GADL1: variants seen among roughly 807,000 people sequenced by gnomAD.
GADL1 encodes the protein GAD like acidic amino acid decarboxylase 1, also known as acidic amino acid decarboxylase GADL1.
In GADL1, 71 loss-of-function variants were observed where a neutral mutation model predicts 69.5. That is an observed-to-expected ratio of 1.02 (90% CI 0.84 to 1.25). GADL1 has a LOEUF of 1.25. Ranked by LOEUF, GADL1 falls within the 50% of genes most tolerant of loss-of-function variation. The pLI is 0.00. For missense variants in GADL1, 737 were observed against 631.8 expected (o/e 1.17, Z -1.79); for synonymous variants, 254 against 214.4 (o/e 1.18, Z -1.62).
chr3:30,733,630 TTCCTTCCTCCTTCCC>T (rs1695500147), intron 14 of GADL1, among the ~76,000 whole-genome samples: 3 of 150,638 alleles, frequency 2.0e-5, no homozygotes, highest in African/African-American at 7.4e-5. Context: ...CCTTCCTTCC[TTCCTTCCTCCTTCCC>T]TCCCTCCCTC....
intron 1 of GADL1, among the ~76,000 whole-genome samples, chr3:30,891,251 C>T (rs1698782233): frequency 6.6e-6 from 1 of 152,082 alleles, no homozygotes; most frequent in African/African-American, 2.4e-5. Context: ...TGCTTTGATC[C>T]TTAGCAACCA....
chr3:30,855,929 C>CAA (rs370368623), intron 3 of GADL1, among the ~76,000 whole-genome samples: 4,665 of 123,948 alleles, frequency 0.038, 180 homozygotes, highest in African/African-American at 0.1. Flanking sequence ...TCTGATCTGG[C>CAA]AAAAAAAAAA....
chr3:30,850,953 T>TA lies in GADL1; in HGVS notation c.429-13dup. 7.2e-7 allele frequency: 1 copy of TA among 1,397,036 alleles called. No homozygotes were observed. Among genetic ancestry groups the TA allele is most frequent in the Non-Finnish European group, 9.9e-7 (1 of 1,008,170 alleles). The allele number at this position is 1,397,036 out of a possible 1,614,324, so 86.5% of individuals were successfully genotyped here. On this transcript the variant is annotated splice_polypyrimidine_tract_variant and intron_variant, in intron 4 of 14. Coordinates refer to ENST00000282538, the MANE Select transcript of GADL1 (RefSeq NM_207359.3). ...CCTCATACGTATAACTAGATAGATATAAAAAACACTTCACTTCTATGACTA... is the reference window on the plus strand; with the variant it reads ...CCTCATACGTATAACTAGATAGATATAAAAAAACACTTCACTTCTATGACTA...
intron 14 of GADL1, among the ~76,000 whole-genome samples, chr3:30,738,298 CTG>C (rs1217348319): frequency 6.6e-6 from 1 of 152,178 alleles, no homozygotes; most frequent in Non-Finnish European, 1.5e-5. Context: ...GTTGCAATGA[CTG>C]TGGAGTGCTA....
chr3:30,891,915 A>G (rs1354069852), intron 1 of GADL1, among the ~76,000 whole-genome samples: 1 of 152,224 alleles, frequency 6.6e-6, no homozygotes, highest in Non-Finnish European at 1.5e-5. Context: ...ATTTTATTAC[A>G]ACATGCCAGT....
rs558498090 is a variant in GADL1 at position 30,730,853 on chromosome 3, G to A, written c.1393-2438C>T. Among the ~76,000 whole-genome samples the A allele has an allele frequency of 3.9e-5, 6 of 152,250 alleles. No homozygotes were observed. In the South Asian group the frequency reaches 1.2e-3, roughly 32 times the overall value. ...GATATAAATGGGTCTGCGTGCATAAGCATGTGTGTGTGTGTGTGCCTGTGC... is the reference window on the plus strand; with the variant it reads ...GATATAAATGGGTCTGCGTGCATAAACATGTGTGTGTGTGTGTGCCTGTGC... On this transcript the variant is annotated intron_variant, in intron 14 of 14. Transcript: ENST00000282538.
chr3:30,777,262 C>A (rs775807278), intron 14 of GADL1, among the ~76,000 whole-genome samples: 2 of 150,978 alleles, frequency 1.3e-5, no homozygotes, highest in Non-Finnish European at 3.0e-5. Flanking sequence ...AAAAAAAAAA[C>A]GTTTTCCCCC....
At chr3:30,877,287 G>A (rs1317822602) in intron 1 of GADL1, among the ~76,000 whole-genome samples, 1 of 151,820 alleles carries the variant, frequency 6.6e-6, no homozygotes, top group East Asian at 1.9e-4. Flanking sequence ...TAACACACAT[G>A]AAACAATAAA....
In GADL1 at chr3:30,767,732, T is replaced by G. The variant is rs191445983; in HGVS notation, c.1392+10447A>C. On this transcript the variant is annotated intron_variant, in intron 14 of 14. Transcript: ENST00000282538. ...GAAGGAAAAGATTGACAGATTTGAATACATAAAAAATTTAAAACTTGCTGT... is the reference window on the plus strand; with the variant it reads ...GAAGGAAAAGATTGACAGATTTGAAGACATAAAAAATTTAAAACTTGCTGT... Among the ~76,000 whole-genome samples, 4 of 152,170 alleles carry G rather than the reference T, an allele frequency of 2.6e-5. No homozygotes were observed. The East Asian group carries it at 7.7e-4, about 29-fold the overall frequency.
At chr3:30,807,602 A>G (rs1697277068) in intron 11 of GADL1, among the ~76,000 whole-genome samples, 1 of 152,212 alleles carries the variant, frequency 6.6e-6, no homozygotes, top group Non-Finnish European at 1.5e-5. Context: ...TGCTAGGTGG[A>G]CTTGAGAGCT....
At chr3:30,804,036 A>G (rs1051492821) in intron 11 of GADL1, among the ~76,000 whole-genome samples, 2 of 152,110 alleles carry the variant, frequency 1.3e-5, no homozygotes, top group African/African-American at 4.8e-5. Context: ...TATTGATATT[A>G]ATTCAACTCT....
In GADL1 at chr3:30,805,734, C is replaced by CTTTTTTTTTTTTTTTTTTTTTTTTTT. The variant is rs34788058; in HGVS notation, c.1051-4647_1051-4646insAAAAAAAAAAAAAAAAAAAAAAAAAA. 6.7e-4 allele frequency among the ~76,000 whole-genome samples: 44 copies of CTTTTTTTTTTTTTTTTTTTTTTTTTT among 66,092 alleles called. 4 individuals carry two copies. The highest frequency in any genetic ancestry group is 3.4e-3 in the African/African-American group (40 of 11,834). The allele number at this position is 66,092 out of a possible 152,430, so 43.4% of individuals were successfully genotyped here. A position where few individuals can be genotyped will look rare whatever the true frequency, so the allele number is the denominator to read the frequency against. The stretch of plus-strand genomic sequence containing the variant: ...ATTCTGTGCACCAGCAGTCCCCAGC[C>CTTTTTTTTTTTTTTTTTTTTTTTTTT]TTTTTTTTTTTTTTTTTTTTTTTTG... On this transcript the variant is annotated intron_variant, in intron 11 of 14. Transcript: ENST00000282538.
chr3:30,751,490 T>G (rs1428297874), intron 14 of GADL1, among the ~76,000 whole-genome samples: 3 of 151,276 alleles, frequency 2.0e-5, no homozygotes, highest in Non-Finnish European at 4.4e-5. Flanking sequence ...CCTGGGTAAC[T>G]AGAACCTGGG....
chr3:30,882,720 T>C (rs1284376416), intron 1 of GADL1, among the ~76,000 whole-genome samples: 1 of 151,978 alleles, frequency 6.6e-6, no homozygotes, highest in African/African-American at 2.4e-5. Context: ...ATTTCTATTT[T>C]TTGATTTTTC....
intron 13 of GADL1, among the ~76,000 whole-genome samples, 169 bp from the exon 14 acceptor site, chr3:30,778,437 A>G (rs1294094722): frequency 1.3e-5 from 2 of 152,156 alleles, no homozygotes; most frequent in East Asian, 1.9e-4. Context: ...ATAACATCCT[A>G]TTTAAAAATT....
At chr3:30,860,668 C>A (rs910297813) in intron 2 of GADL1, among the ~76,000 whole-genome samples, 1 of 151,940 alleles carries the variant, frequency 6.6e-6, no homozygotes, top group African/African-American at 2.4e-5. Flanking sequence ...ATACTTATTT[C>A]TAACTAATAT....
intron 11 of GADL1, among the ~76,000 whole-genome samples, chr3:30,812,766 CAT>C (rs969320920): frequency 1.1e-4 from 17 of 152,232 alleles, no homozygotes; most frequent in African/African-American, 2.6e-4. Flanking sequence ...TTCCTCTTCT[CAT>C]ATTATTGCTA....
chr3:30,741,690 T>C (rs1418411995), intron 14 of GADL1, among the ~76,000 whole-genome samples: 4 of 152,190 alleles, frequency 2.6e-5, no homozygotes, highest in African/African-American at 4.8e-5. Context: ...ATTAAGCCCA[T>C]GTATAAATTA....
At chr3:30,808,056 A>C (rs533037239) in intron 11 of GADL1, among the ~76,000 whole-genome samples, 1 of 152,294 alleles carries the variant, frequency 6.6e-6, no homozygotes, top group African/African-American at 2.4e-5. Flanking sequence ...TGTTTTTCCC[A>C]AAAGGAAGCA....
Sources: gnomAD v4.1 joint callset for allele counts (sites outside exome capture counted in the v4.1 genomes callset) on GRCh38, gnomAD v4.1.1 for gene constraint, MANE v1.5 for transcripts, NCBI Gene and HGNC (gene_info 2026-07-23, HGNC 2026-07-21) for gene names.